Variants in C1orf87 observed in about 807,000 individuals in gnomAD.
The protein encoded by C1orf87 is uncharacterized protein C1orf87.
Under a neutral mutation model 60.5 loss-of-function variants are expected in C1orf87, and 58 were observed. That is an observed-to-expected ratio of 0.96 (90% CI 0.78 to 1.19). C1orf87 has a LOEUF of 1.19. C1orf87 is among the 50% of genes most tolerant of loss of function. C1orf87 has a pLI of 0.00. For missense variants in C1orf87, 673 were observed against 638.6 expected, an observed-to-expected ratio of 1.05 and a Z score of -0.58; for synonymous variants, 236 against 227.4, an observed-to-expected ratio of 1.04 and a Z score of -0.34.
At chr1:60,059,233 T>C (rs906253793) in intron 2 of C1orf87, among the ~76,000 whole-genome samples, 1 of 152,220 alleles carries the variant, frequency 6.6e-6, no homozygotes, top group Non-Finnish European at 1.5e-5. Context: ...CCTAGGCTTG[T>C]GTACCATCTA....
At chr1:60,067,897 G>A (rs544602820) in intron 2 of C1orf87, among the ~76,000 whole-genome samples, 1 of 152,018 alleles carries the variant, frequency 6.6e-6, no homozygotes, top group East Asian at 1.9e-4. Context: ...GTTAATTTTT[G>A]TATAAGGTAT....
chr1:60,013,283 ATTCT>A (rs1645102450), intron 8 of C1orf87, among the ~76,000 whole-genome samples: 1 of 151,816 alleles, frequency 6.6e-6, no homozygotes, highest in South Asian at 2.1e-4. Context: ...CTCTATTCTG[ATTCT>A]TTCATATCTA....
chr1:59,990,860 G>A (rs781615677), intron 11 of C1orf87, 27 bp from the exon 12 acceptor site: 22 of 1,608,024 alleles, frequency 1.4e-5, no homozygotes, highest in South Asian at 1.3e-4. Flanking sequence ...TAGGAGGAAG[G>A]TTTTTTAAAG....
rs1645542739 is a variant in C1orf87, at chr1:60,065,865, C to G, written c.107+6672G>C. On this transcript the variant is annotated intron_variant, in intron 2 of 11. Transcript: ENST00000371201. ...ATCAATGCAAATTACAGGTATACCT[C>G]AGTGATTTGTGGTTTAGTTCCAGAG... Among the ~76,000 whole-genome samples the G allele has an allele frequency of 2.0e-5, 3 of 152,186 alleles. No homozygotes were observed. The South Asian group carries it at 6.2e-4, about 32-fold the overall frequency.
intron 7 of C1orf87, among the ~76,000 whole-genome samples, chr1:60,029,324 A>C (rs1278897372): frequency 6.6e-6 from 1 of 152,194 alleles, no homozygotes; most frequent in East Asian, 1.9e-4. Context: ...ACAGCCTTCT[A>C]AAAGGTCTCT....
intron 5 of C1orf87, among the ~76,000 whole-genome samples, chr1:60,038,957 G>A (rs1475042822): frequency 1.3e-5 from 2 of 152,084 alleles, no homozygotes; most frequent in African/African-American, 2.4e-5. Flanking sequence ...CAGAAAATTT[G>A]GTTGAACTGA....
chr1:60,055,251 G>T lies in C1orf87; in HGVS notation c.295C>A (p.Gln99Lys). 6.2e-7 allele frequency: 1 copy of T among 1,614,064 alleles called. No homozygotes were observed. The highest frequency in any genetic ancestry group is 1.3e-5 in the African/African-American group (1 of 74,996). Reference sequence around the variant, plus strand: ...CTGTTTGCCCCTGTTAGTAGTTTCTGGTTGTTTTCTGATTTCTGGTTGTTC... The same window carrying T: ...CTGTTTGCCCCTGTTAGTAGTTTCTTGTTGTTTTCTGATTTCTGGTTGTTC... ...PENNQKSENN[Q>K]KLLTGANSSR... The change falls in exon 3 of 12, where the codon CAG (glutamine) becomes AAG (lysine). Residue 99 changes from glutamine to lysine, a missense_variant. Physicochemically the swap from Gln to Lys is moderately conservative, Grantham distance 53. Transcript: ENST00000371201.
At chr1:60,022,109 AT>A (rs60437294) in intron 8 of C1orf87, among the ~76,000 whole-genome samples, 21,358 of 138,000 alleles carry the variant, frequency 0.15, 1,556 homozygotes, top group Non-Finnish European at 0.17. Context: ...GAGGACTTTG[AT>A]TTTTTTTTTT....
chr1:60,045,800 T>C (rs1645362948), intron 3 of C1orf87, among the ~76,000 whole-genome samples: 1 of 152,214 alleles, frequency 6.6e-6, no homozygotes, highest in African/African-American at 2.4e-5. Context: ...CCCAGGAATC[T>C]GTGTTTGAAT....
chr1:60,048,779 G>GATAT (rs1046281254), intron 3 of C1orf87, among the ~76,000 whole-genome samples: 1 of 151,408 alleles, frequency 6.6e-6, no homozygotes, highest in African/African-American at 2.4e-5. Context: ...GTACATAATA[G>GATAT]ATATATATAT....
At chr1:60,049,931 T>A (rs1345294973) in intron 3 of C1orf87, among the ~76,000 whole-genome samples, 1 of 152,114 alleles carries the variant, frequency 6.6e-6, no homozygotes, top group Admixed American at 6.5e-5. Context: ...GTGGGTTTAT[T>A]TCTGAATTTT....
chr1:60,017,880 C>A (rs999318603), intron 8 of C1orf87, among the ~76,000 whole-genome samples: 1 of 152,158 alleles, frequency 6.6e-6, no homozygotes, highest in East Asian at 1.9e-4. Context: ...AAAACAACAA[C>A]AACTTTGTAA....
chr1:60,027,287 T>G (rs774207678), intron 7 of C1orf87, among the ~76,000 whole-genome samples: 1 of 152,150 alleles, frequency 6.6e-6, no homozygotes, highest in Admixed American at 6.5e-5. Context: ...AGCCACTATT[T>G]CCCTGCTCTA....
chr1:60,012,736 G>T lies in C1orf87; in HGVS notation c.1128-2280C>A, dbSNP rs191175529. On this transcript the variant is annotated intron_variant, in intron 8 of 11. Transcript: ENST00000371201. Reference sequence around the variant, plus strand: ...GAGTTTTTCAAGTTAAAATGGCATGGAGTGAACATTCTGAGTACTTTTTGT... The same window carrying T: ...GAGTTTTTCAAGTTAAAATGGCATGTAGTGAACATTCTGAGTACTTTTTGT... 2.6e-5 allele frequency among the ~76,000 whole-genome samples: 4 copies of T among 152,236 alleles called. No individual in the cohort carries two copies. In the East Asian group the frequency reaches 7.7e-4, roughly 29 times the overall value.
chr1:60,050,165 C>T (rs1246573802), intron 3 of C1orf87, among the ~76,000 whole-genome samples: 1 of 151,990 alleles, frequency 6.6e-6, no homozygotes, highest in Non-Finnish European at 1.5e-5. Flanking sequence ...AAAAACCGAA[C>T]ACTATTTTTT....
chr1:60,014,659 G>A (rs1645113027), intron 8 of C1orf87, among the ~76,000 whole-genome samples: 1 of 152,104 alleles, frequency 6.6e-6, no homozygotes, highest in Admixed American at 6.6e-5. Flanking sequence ...GGGTTATGAA[G>A]GCTTAAGTCA....
At chr1:60,040,295 G>T in intron 4 of C1orf87, 115 bp from the exon 5 acceptor site, 1 of 1,318,072 alleles carries the variant, frequency 7.6e-7, no homozygotes, top group South Asian at 1.4e-5. Flanking sequence ...CGCAGTCCTG[G>T]CCTGGAGCAG....
At chr1:60,026,586 T>C (rs1645199655) in intron 7 of C1orf87, among the ~76,000 whole-genome samples, 1 of 150,324 alleles carries the variant, frequency 6.7e-6, no homozygotes, top group African/African-American at 2.5e-5. Context: ...TAGTGGGGTA[T>C]CAAGGAAGGA....
chr1:60,040,872 T>C, intron 4 of C1orf87, 119 bp downstream of exon 4: 1 of 1,120,848 alleles, frequency 8.9e-7, no homozygotes, highest in African/African-American at 1.6e-5. Flanking sequence ...GCATTACAGG[T>C]GTAAGCCACT....
Sources: allele counts gnomAD v4.1 joint callset (sites outside exome capture counted in the v4.1 genomes callset), GRCh38; gene constraint gnomAD v4.1.1; transcripts MANE v1.5; gene names NCBI Gene and HGNC (gene_info 2026-07-23, HGNC 2026-07-21).